SLC10A7: variants seen among roughly 807,000 people sequenced by gnomAD.
SLC10A7 encodes solute carrier family 10 member 7.
In SLC10A7, 29 loss-of-function variants were observed where a neutral mutation model predicts 43.2. The observed-to-expected ratio is 0.67, with a 90% CI of 0.50 to 0.92. SLC10A7 has a LOEUF of 0.92. Among genes scored for constraint, SLC10A7 ranks in the 40% least tolerant of loss-of-function variants. SLC10A7 has a pLI of 0.00. For missense variants in SLC10A7, 295 were observed against 403.2 expected (o/e 0.73, Z 2.30); for synonymous variants, 152 against 144.8 (o/e 1.05, Z -0.35).
At chr4:146,396,660 T>G (rs2149811128) in intron 5 of SLC10A7, among the ~76,000 whole-genome samples, 1 of 152,238 alleles carries the variant, frequency 6.6e-6, no homozygotes, top group East Asian at 1.9e-4. Flanking sequence ...AACCTTACTC[T>G]TTATGTACCA....
chr4:146,293,673 G>T (rs560875650), intron 8 of SLC10A7, among the ~76,000 whole-genome samples: 1 of 152,228 alleles, frequency 6.6e-6, no homozygotes, highest in African/African-American at 2.4e-5. Flanking sequence ...AGGAATTAAG[G>T]CTTCTCTCAC....
At chr4:146,322,238 T>C (rs760031002) in intron 6 of SLC10A7, among the ~76,000 whole-genome samples, 2 of 152,162 alleles carry the variant, frequency 1.3e-5, no homozygotes, top group Non-Finnish European at 2.9e-5. Flanking sequence ...ATTATTATTA[T>C]ACTTTAAGTT....
intron 10 of SLC10A7, among the ~76,000 whole-genome samples, chr4:146,266,456 C>T (rs1319297740): frequency 6.6e-6 from 1 of 150,792 alleles, no homozygotes; most frequent in Non-Finnish European, 1.5e-5. Flanking sequence ...CGCACACACA[C>T]ACATACACAC....
At chr4:146,385,804 G>A (rs143527567) in intron 5 of SLC10A7, among the ~76,000 whole-genome samples, 12 of 152,192 alleles carry the variant, frequency 7.9e-5, no homozygotes, top group South Asian at 6.2e-4. Flanking sequence ...CTTCATGTCC[G>A]TAAGTACCCA....
At chr4:146,372,425 G>A (rs190046294) in intron 5 of SLC10A7, among the ~76,000 whole-genome samples, 5 of 145,140 alleles carry the variant, frequency 3.4e-5, no homozygotes, top group Middle Eastern at 3.6e-3. Context: ...CTGAACTCCA[G>A]CCTGAGTGAC....
intron 5 of SLC10A7, among the ~76,000 whole-genome samples, chr4:146,436,320 A>G (rs1730213350): frequency 6.6e-6 from 1 of 152,160 alleles, no homozygotes. Flanking sequence ...TTCAGATAAG[A>G]GTTTGTTTTA....
intron 5 of SLC10A7, among the ~76,000 whole-genome samples, chr4:146,401,241 G>A (rs1739204131): frequency 6.6e-6 from 1 of 152,160 alleles, no homozygotes; most frequent in Non-Finnish European, 1.5e-5. Context: ...TACACTGGCT[G>A]CTGATCCCTT....
intron 5 of SLC10A7, among the ~76,000 whole-genome samples, chr4:146,355,797 C>G (rs1298719105): frequency 7.1e-6 from 1 of 141,286 alleles, no homozygotes; most frequent in African/African-American, 2.7e-5. Context: ...GAACAAAAAA[C>G]CAAACACCGC....
At chr4:146,307,322 T>C (rs1731650217) in intron 6 of SLC10A7, among the ~76,000 whole-genome samples, 1 of 152,060 alleles carries the variant, frequency 6.6e-6, no homozygotes, top group Non-Finnish European at 1.5e-5. Flanking sequence ...TAGCCCTTTT[T>C]CTCCACAACC....
chr4:146,475,763 T>C (rs185144598), intron 4 of SLC10A7, among the ~76,000 whole-genome samples: 22 of 152,312 alleles, frequency 1.4e-4, no homozygotes, highest in Non-Finnish European at 2.8e-4. Flanking sequence ...AAAAAACCTT[T>C]CAATCCATCA....
intron 4 of SLC10A7, among the ~76,000 whole-genome samples, chr4:146,463,186 A>C (rs1195510394): frequency 6.6e-6 from 1 of 152,208 alleles, no homozygotes; most frequent in African/African-American, 2.4e-5. Context: ...CTGAAATAAA[A>C]ATATTTATTA....
intron 5 of SLC10A7, among the ~76,000 whole-genome samples, chr4:146,375,101 G>A (rs1265583832): frequency 6.6e-6 from 1 of 152,144 alleles, no homozygotes; most frequent in Non-Finnish European, 1.5e-5. Context: ...AGCTACTCAG[G>A]AGGCTGAGGC....
intron 6 of SLC10A7, among the ~76,000 whole-genome samples, chr4:146,310,976 GAGGGGA>G (rs1253171410): frequency 6.9e-6 from 1 of 145,970 alleles, no homozygotes; most frequent in East Asian, 2.1e-4. Context: ...GGAGGGGGAT[GAGGGGA>G]AGGGGAAGGG....
intron 7 of SLC10A7, among the ~76,000 whole-genome samples, chr4:146,303,860 ATAGATAT>A (rs1731334263): frequency 1.3e-5 from 1 of 75,704 alleles, no homozygotes; most frequent in South Asian, 4.2e-4. Flanking sequence ...ACCCTTTACG[ATAGATAT>A]TATTGTCATA....
chr4:146,379,778 A>G (rs1737470448), intron 5 of SLC10A7, among the ~76,000 whole-genome samples: 1 of 152,196 alleles, frequency 6.6e-6, no homozygotes, highest in Non-Finnish European at 1.5e-5. Context: ...GTATTTCTAG[A>G]TCATCCCACT....
In SLC10A7 at chr4:146,327,041, A is replaced by G. The variant is rs181950299; in HGVS notation, c.436-1045T>C. On this transcript the variant is annotated intron_variant, in intron 5 of 11. Coordinates refer to ENST00000335472, the MANE Select transcript of SLC10A7 (RefSeq NM_001029998.6). Reference sequence around the variant, plus strand: ...TATATCCAGACAGTGTCCAAGATCCAGATCTGGGACTACTTCATTACTTTT... The same window carrying G: ...TATATCCAGACAGTGTCCAAGATCCGGATCTGGGACTACTTCATTACTTTT... Among the ~76,000 whole-genome samples, 3 of 152,234 alleles carry G rather than the reference A, an allele frequency of 2.0e-5. No individual in the cohort carries two copies. In the East Asian group the frequency reaches 5.8e-4, roughly 29 times the overall value.
At chr4:146,313,606 AC>A (rs2149691087) in intron 6 of SLC10A7, among the ~76,000 whole-genome samples, 1 of 152,312 alleles carries the variant, frequency 6.6e-6, no homozygotes, top group African/African-American at 2.4e-5. Context: ...ATAAATGGAA[AC>A]AAATTATAAA....
intron 5 of SLC10A7, among the ~76,000 whole-genome samples, chr4:146,403,928 C>A (rs1006604566): frequency 6.6e-6 from 1 of 152,118 alleles, no homozygotes; most frequent in Non-Finnish European, 1.5e-5. Flanking sequence ...ATAGATGTTA[C>A]TATTATTGCT....
intron 3 of SLC10A7, 129 bp downstream of exon 3, chr4:146,509,784 A>G: frequency 1.3e-6 from 1 of 772,534 alleles, no homozygotes; most frequent in Non-Finnish European, 1.9e-6. Context: ...AAAGGAAAAC[A>G]AAGATGTGTT....
Sources: gnomAD v4.1 joint callset for allele counts (sites outside exome capture counted in the v4.1 genomes callset) on GRCh38, gnomAD v4.1.1 for gene constraint, MANE v1.5 for transcripts, NCBI Gene and HGNC (gene_info 2026-07-23, HGNC 2026-07-21) for gene names.